The following MTMR7 variants were observed in gnomAD, a reference collection of about 807,000 sequenced individuals.
MTMR7 encodes the protein phosphatidylinositol-3-phosphate phosphatase MTMR7.
MTMR7 carries 76 observed loss-of-function variants against 81.2 expected under a neutral mutation model. The ratio of observed to expected loss-of-function variants is 0.94; its 90% confidence interval spans 0.78 to 1.13. The LOEUF is 1.13. MTMR7 is among the 50% of genes most tolerant of loss of function. MTMR7 has a pLI of 0.00. For missense variants in MTMR7, 1,044 were observed against 820.0 expected, an observed-to-expected ratio of 1.27 and a Z score of -3.34; for synonymous variants, 372 against 289.8, an observed-to-expected ratio of 1.28 and a Z score of -2.88.
At chr8:17,311,887 TA>T (rs1324895727) in intron 8 of MTMR7, 2 of 469,038 alleles carry the variant, frequency 4.3e-6, no homozygotes, top group East Asian at 7.3e-5. Context: ...CGCATGTACT[TA>T]CTAAACATAA....
intron 1 of MTMR7, among the ~76,000 whole-genome samples, chr8:17,412,319 A>G (rs1405701122): frequency 6.6e-6 from 1 of 152,040 alleles, no homozygotes; most frequent in Admixed American, 6.5e-5. Context: ...AGCTATGGCC[A>G]CTCTGACCTA....
intron 12 of MTMR7, among the ~76,000 whole-genome samples, chr8:17,303,833 C>G (rs1321929826): frequency 1.3e-5 from 2 of 152,180 alleles, no homozygotes; most frequent in Non-Finnish European, 2.9e-5. Flanking sequence ...TTGTCTTGAA[C>G]TCCTGACCTA....
chr8:17,366,483 T>G (rs1820227329), intron 3 of MTMR7, among the ~76,000 whole-genome samples: 1 of 152,104 alleles, frequency 6.6e-6, no homozygotes, highest in Admixed American at 6.5e-5. Context: ...AGGGAAAACT[T>G]ACCAACAGTC....
chr8:17,368,250 C>T (rs544546769), intron 3 of MTMR7, among the ~76,000 whole-genome samples: 3 of 152,274 alleles, frequency 2.0e-5, no homozygotes, highest in African/African-American at 4.8e-5. Context: ...CTTGCACGCC[C>T]GCCACTCACC....
intron 5 of MTMR7, among the ~76,000 whole-genome samples, chr8:17,343,178 G>A (rs1228800415): frequency 1.3e-5 from 2 of 152,146 alleles, no homozygotes; most frequent in East Asian, 3.8e-4. Context: ...TGTAATCCCA[G>A]CACTTTGGGA....
chr8:17,344,175 T>A (rs2150544675), intron 5 of MTMR7, among the ~76,000 whole-genome samples: 1 of 152,310 alleles, frequency 6.6e-6, no homozygotes, highest in Middle Eastern at 3.4e-3. Context: ...AGAGGTTAAG[T>A]AACATACTCA....
chr8:17,305,966 C>T lies in MTMR7; in HGVS notation c.1152-9G>A, dbSNP rs756488361. ...CATCTAGATTGCCATATCTATAAAACAAAGCATTAGAGACTTTTTAAGGCA... is the reference window on the plus strand; with the variant it reads ...CATCTAGATTGCCATATCTATAAAATAAAGCATTAGAGACTTTTTAAGGCA... On this transcript the variant is annotated splice_polypyrimidine_tract_variant and intron_variant, in intron 10 of 13. Coordinates refer to ENST00000180173, the MANE Select transcript of MTMR7 (RefSeq NM_004686.5). 21 of 1,605,348 alleles carry T rather than the reference C, an allele frequency of 1.3e-5. No homozygotes were observed. The South Asian group carries it at 2.0e-4, about 15-fold the overall frequency.
chr8:17,337,490 C>T (rs1333555075), intron 6 of MTMR7, among the ~76,000 whole-genome samples: 2 of 152,140 alleles, frequency 1.3e-5, no homozygotes, highest in East Asian at 1.9e-4. Context: ...GCGAAGACTG[C>T]GACAACACCT....
intron 1 of MTMR7, among the ~76,000 whole-genome samples, chr8:17,384,450 C>T (rs1425479797): frequency 6.6e-6 from 1 of 152,116 alleles, no homozygotes; most frequent in East Asian, 1.9e-4. Flanking sequence ...CAAACATATC[C>T]ATAACACAGA....
intron 7 of MTMR7, among the ~76,000 whole-genome samples, chr8:17,325,973 T>C (rs549521265): frequency 6.6e-6 from 1 of 152,322 alleles, no homozygotes; most frequent in African/African-American, 2.4e-5. Context: ...GGAAAGCACT[T>C]TATAGTTTGC....
chr8:17,309,847 A>G (rs1817687658), intron 9 of MTMR7, among the ~76,000 whole-genome samples: 1 of 152,166 alleles, frequency 6.6e-6, no homozygotes, highest in South Asian at 2.1e-4. Context: ...TCTTTTCTAC[A>G]CATTATAAGA....
At position 17,345,985 on chromosome 8, in the gene MTMR7, A is replaced by G. The variant is rs1324117662; in HGVS notation, c.597+2968T>C. On this transcript the variant is annotated intron_variant, in intron 5 of 13. Coordinates refer to ENST00000180173, the MANE Select transcript of MTMR7 (RefSeq NM_004686.5). Reference sequence around the variant, plus strand: ...TCTCAAATAACCAAAGAGAAGAAAGACAGATCAGCAAATTTATGGAATGTG... The same window carrying G: ...TCTCAAATAACCAAAGAGAAGAAAGGCAGATCAGCAAATTTATGGAATGTG... 2.0e-5 allele frequency: 3 copies of G among 152,332 alleles called. No individual in the cohort carries two copies. The East Asian group carries it at 5.8e-4, about 29-fold the overall frequency. The allele number at this position is 152,332 out of a possible 1,614,324, so 9.4% of individuals were successfully genotyped here. A position where few individuals can be genotyped will look rare whatever the true frequency, so the allele number is the denominator to read the frequency against.
intron 3 of MTMR7, among the ~76,000 whole-genome samples, chr8:17,367,440 A>G (rs1820262849): frequency 6.6e-6 from 1 of 152,160 alleles, no homozygotes; most frequent in South Asian, 2.1e-4. Context: ...TTCAATCCTT[A>G]TTAATACATT....
At chr8:17,317,067 G>A (rs1354316319) in intron 7 of MTMR7, among the ~76,000 whole-genome samples, 1 of 152,102 alleles carries the variant, frequency 6.6e-6, no homozygotes, top group Non-Finnish European at 1.5e-5. Context: ...AATATTAATG[G>A]CAGTTTTTGT....
intron 6 of MTMR7, among the ~76,000 whole-genome samples, chr8:17,334,239 C>A (rs929050709): frequency 3.9e-5 from 6 of 152,164 alleles, no homozygotes; most frequent in African/African-American, 1.4e-4. Flanking sequence ...AAAGCTGAAC[C>A]CTCAAAGCAG....
At chr8:17,316,142 G>C (rs193038953) in intron 7 of MTMR7, among the ~76,000 whole-genome samples, 134 of 152,182 alleles carry the variant, frequency 8.8e-4, no homozygotes, top group Middle Eastern at 3.4e-3. Context: ...TGTGGGCTTG[G>C]GCAGATTACT....
chr8:17,329,830 G>A (rs1039041503), intron 7 of MTMR7, among the ~76,000 whole-genome samples: 1 of 152,090 alleles, frequency 6.6e-6, no homozygotes, highest in Non-Finnish European at 1.5e-5. Context: ...TCATGCCCAG[G>A]GTATGATCAC....
At chr8:17,306,853 G>A (rs1817488041) in intron 10 of MTMR7, among the ~76,000 whole-genome samples, 1 of 152,144 alleles carries the variant, frequency 6.6e-6, no homozygotes, top group Non-Finnish European at 1.5e-5. Flanking sequence ...AGCTGAAACT[G>A]GATCCCTTCT....
chr8:17,351,808 A>T (rs1381326357), intron 4 of MTMR7, among the ~76,000 whole-genome samples: 2 of 152,268 alleles, frequency 1.3e-5, no homozygotes, highest in Admixed American at 1.3e-4. Context: ...TTAGGGTGTC[A>T]GTTAACACGG....
Sources: allele counts gnomAD v4.1 joint callset (sites outside exome capture counted in the v4.1 genomes callset), GRCh38; gene constraint gnomAD v4.1.1; transcripts MANE v1.5; gene names NCBI Gene and HGNC (gene_info 2026-07-23, HGNC 2026-07-21).